Variants in MYO3A observed in about 807,000 individuals in gnomAD.
MYO3A encodes myosin IIIA.
In MYO3A, 180 loss-of-function variants were observed where a neutral mutation model predicts 192.7. The ratio of observed to expected loss-of-function variants is 0.93; its 90% confidence interval spans 0.83 to 1.06. MYO3A has a LOEUF of 1.06. Among genes scored for constraint, MYO3A ranks in the 50% least tolerant of loss-of-function variants. MYO3A has a pLI of 0.00. For missense variants in MYO3A, 1,896 were observed against 1,905.0 expected, an observed-to-expected ratio of 1.00 and a Z score of 0.09; for synonymous variants, 628 against 645.3, an observed-to-expected ratio of 0.97 and a Z score of 0.41.
At chr10:26,077,619 C>T (rs1010620329) in intron 14 of MYO3A, among the ~76,000 whole-genome samples, 2 of 151,806 alleles carry the variant, frequency 1.3e-5, no homozygotes, top group African/African-American at 2.4e-5. Context: ...TTCAGTATTA[C>T]GTTGGCTGTG....
intron 10 of MYO3A, among the ~76,000 whole-genome samples, chr10:26,028,695 C>A (rs578062164): frequency 3.7e-4 from 57 of 152,276 alleles, no homozygotes; most frequent in African/African-American, 1.1e-3. Context: ...GCCACAGTTT[C>A]ATGAATGCTG....
At chr10:25,937,460 G>A (rs908662194) in intron 2 of MYO3A, among the ~76,000 whole-genome samples, 6 of 152,138 alleles carry the variant, frequency 3.9e-5, no homozygotes, top group Non-Finnish European at 5.9e-5. Flanking sequence ...TGCAATTTAC[G>A]AAACAGTTCC....
At chr10:25,980,683 G>A (rs373364355) in intron 4 of MYO3A, among the ~76,000 whole-genome samples, 2 of 152,142 alleles carry the variant, frequency 1.3e-5, no homozygotes, top group East Asian at 1.9e-4. Context: ...GGTCCTTTTT[G>A]TATATTCTTG....
At chr10:26,142,681 T>C (rs1840232664) in intron 20 of MYO3A, among the ~76,000 whole-genome samples, 1 of 152,212 alleles carries the variant, frequency 6.6e-6, no homozygotes, top group Admixed American at 6.5e-5. Context: ...AGAGCCGAGA[T>C]GAACCTATGT....
In MYO3A at chr10:25,996,453, A is replaced by G. The variant is rs745432462; in HGVS notation, c.304-37A>G. 5 of 1,545,282 alleles carry G rather than the reference A, an allele frequency of 3.2e-6. No homozygotes were observed. In the African/African-American group the frequency reaches 4.1e-5, roughly 13 times the overall value. On this transcript the variant is annotated intron_variant, in intron 4 of 34. Transcript: ENST00000642920. ...TTCTAGAAAGAACATAAAATGTCAC[A>G]TGTTTTTAATAGCCATCTTAAAATA...
intron 17 of MYO3A, among the ~76,000 whole-genome samples, chr10:26,112,662 T>C (rs12569739): frequency 0.38 from 57,365 of 151,980 alleles, 11,284 homozygotes; most frequent in Middle Eastern, 0.52. Flanking sequence ...GCACCCCAAG[T>C]GTATGTGTCC....
intron 2 of MYO3A, among the ~76,000 whole-genome samples, chr10:25,942,064 T>A (rs866137876): frequency 2.0e-5 from 3 of 151,732 alleles, no homozygotes; most frequent in African/African-American, 7.3e-5. Flanking sequence ...TGCAGTGGCA[T>A]GAGTTCAGAT....
chr10:26,049,480 GT>G (rs1418324909), intron 10 of MYO3A, among the ~76,000 whole-genome samples: 1 of 152,128 alleles, frequency 6.6e-6, no homozygotes, highest in Non-Finnish European at 1.5e-5. Context: ...TAGAGCACAG[GT>G]TGTATGCTGA....
chr10:26,082,054 G>C (rs1835993573), intron 14 of MYO3A, among the ~76,000 whole-genome samples: 1 of 152,172 alleles, frequency 6.6e-6, no homozygotes. Context: ...GCTCTTTCTG[G>C]AGCTGCAATC....
chr10:26,017,949 T>C (rs907719569), intron 7 of MYO3A, among the ~76,000 whole-genome samples: 1 of 150,238 alleles, frequency 6.7e-6, no homozygotes, highest in Non-Finnish European at 1.5e-5. Flanking sequence ...AACCTAGTTA[T>C]AATACCAAAT....
At chr10:26,061,599 C>T (rs34457588) in intron 10 of MYO3A, among the ~76,000 whole-genome samples, 71,736 of 151,716 alleles carry the variant, frequency 0.47, 17,776 homozygotes, top group Middle Eastern at 0.59. Context: ...ATTGTGAAGG[C>T]CCATGAAATC....
Position 25,969,103 on chromosome 10 carries a change from G to A in MYO3A, c.303+14095G>A, listed in dbSNP as rs190355687. On this transcript the variant is annotated intron_variant, in intron 4 of 34. Transcript: ENST00000642920. ...AAATACAAAAAATTAGCCGGGTGAG[G>A]TGGCGTGCACCTGTAGTCCCAGCTA... is the stretch of plus-strand genomic sequence containing the variant. Among the ~76,000 whole-genome samples, 638 of 152,180 alleles carry A rather than the reference G, an allele frequency of 4.2e-3. 14 individuals are homozygous for A. Among genetic ancestry groups the A allele is most frequent in the African/African-American group, 0.014 (597 of 41,502 alleles).
rs772670631 is a variant in MYO3A at position 26,137,451 on chromosome 10, G to A, written c.2263-5997G>A. ...CTTAATCTTGTTATCTTTGTAAGCT[G>A]AGGATGTGTGTCACCTCAGGACCAC... On this transcript the variant is annotated intron_variant, in intron 20 of 34. Transcript: ENST00000642920. Among the ~76,000 whole-genome samples the A allele has an allele frequency of 5.1e-4, 77 of 152,296 alleles. No individual in the cohort carries two copies. In the Middle Eastern group the frequency reaches 0.017, roughly 34 times the overall value.
chr10:26,184,951 C>T (rs182353255), intron 31 of MYO3A, among the ~76,000 whole-genome samples: 4 of 152,194 alleles, frequency 2.6e-5, no homozygotes, highest in African/African-American at 7.2e-5. Context: ...CATTAGAGGC[C>T]AAATAAATGT....
chr10:26,037,557 A>G (rs905330440), intron 10 of MYO3A, among the ~76,000 whole-genome samples: 1 of 152,190 alleles, frequency 6.6e-6, no homozygotes, highest in Non-Finnish European at 1.5e-5. Flanking sequence ...TTGCATATGT[A>G]TACCCAGTTT....
In MYO3A at chr10:26,174,997, A is replaced by G. The variant is rs143135098; in HGVS notation, c.4293+440A>G. 1.2e-4 allele frequency among the ~76,000 whole-genome samples: 19 copies of G among 152,366 alleles called. 1 individual carries two copies. The highest frequency in any genetic ancestry group is 4.3e-4 in the African/African-American group (18 of 41,598). On this transcript the variant is annotated intron_variant, in intron 30 of 34. Coordinates refer to ENST00000642920, the MANE Select transcript of MYO3A (RefSeq NM_017433.5). ...TTTTGATAGGTAGCCACACCGAAGCATATACAGTGAAGATGAAAGTCTGCA... is the reference window on the plus strand; with the variant it reads ...TTTTGATAGGTAGCCACACCGAAGCGTATACAGTGAAGATGAAAGTCTGCA...
intron 19 of MYO3A, among the ~76,000 whole-genome samples, chr10:26,125,929 T>C (rs543989130): frequency 6.6e-6 from 1 of 152,304 alleles, no homozygotes; most frequent in Admixed American, 6.5e-5. Flanking sequence ...ATGAAGCATA[T>C]ACCATTTTAT....
chr10:26,155,328 C>T (rs1841050604), intron 25 of MYO3A, among the ~76,000 whole-genome samples: 1 of 152,126 alleles, frequency 6.6e-6, no homozygotes, highest in Non-Finnish European at 1.5e-5. Flanking sequence ...AGAGAGTGTG[C>T]TTAGCATAGG....
At chr10:25,956,495 A>ATTTTTTT (rs562368305) in intron 4 of MYO3A, among the ~76,000 whole-genome samples, 12 of 128,846 alleles carry the variant, frequency 9.3e-5, no homozygotes, top group Non-Finnish European at 1.1e-4. Context: ...GCCCAGCTAA[A>ATTTTTTT]TTTTTTTTTT....
Sources: allele counts gnomAD v4.1 joint callset (sites outside exome capture counted in the v4.1 genomes callset), GRCh38; gene constraint gnomAD v4.1.1; transcripts MANE v1.5; gene names NCBI Gene and HGNC (gene_info 2026-07-23, HGNC 2026-07-21).